Variants in MYO1D observed in about 807,000 individuals in gnomAD.
MYO1D encodes unconventional myosin-Id.
A neutral mutation model predicts 122.0 loss-of-function variants in MYO1D; 83 were observed. The observed-to-expected ratio is 0.68, with a 90% confidence interval of 0.57 to 0.82. The LOEUF is 0.82. Ranked by LOEUF, MYO1D falls within the 40% of genes least tolerant of loss-of-function variation. The probability of loss-of-function intolerance (pLI) is 0.00; values close to 1 mark genes in which losing one functional copy is unlikely to be tolerated. For synonymous variants in MYO1D, 464 were observed against 446.9 expected, an observed-to-expected ratio of 1.04 and a Z score of -0.48; for missense variants, 1,157 against 1,269.5, an observed-to-expected ratio of 0.91 and a Z score of 1.35.
intron 21 of MYO1D, among the ~76,000 whole-genome samples, chr17:32,520,793 A>G (rs1910107599): frequency 6.6e-6 from 1 of 152,274 alleles, no homozygotes; most frequent in Non-Finnish European, 1.5e-5. Context: ...GCCTTGACAC[A>G]GCCACTGACA....
At chr17:32,844,694 C>A (rs1007022413) in intron 1 of MYO1D, among the ~76,000 whole-genome samples, 3 of 151,864 alleles carry the variant, frequency 2.0e-5, no homozygotes, top group Admixed American at 6.6e-5. Flanking sequence ...CACTGCACTC[C>A]AGCCTGGATG....
intron 21 of MYO1D, chr17:32,497,188 T>TC (rs1909149852): frequency 1.3e-5 from 2 of 152,448 alleles, no homozygotes. Flanking sequence ...ATCCCAATAC[T>TC]CTGGGAGGCA....
At chr17:32,649,234 G>T (rs1365566173) in intron 19 of MYO1D, among the ~76,000 whole-genome samples, 2 of 152,148 alleles carry the variant, frequency 1.3e-5, no homozygotes, top group Non-Finnish European at 2.9e-5. Flanking sequence ...TAAGTGTATA[G>T]GTCAATGCTT....
At chr17:32,835,037 C>A (rs1228461673) in intron 1 of MYO1D, among the ~76,000 whole-genome samples, 2 of 151,970 alleles carry the variant, frequency 1.3e-5, no homozygotes, top group South Asian at 2.1e-4. Context: ...AAACAAAAAA[C>A]CACATTTCTT....
intron 19 of MYO1D, among the ~76,000 whole-genome samples, chr17:32,644,898 T>C (rs1200106813): frequency 1.3e-5 from 2 of 152,240 alleles, no homozygotes; most frequent in African/African-American, 2.4e-5. Context: ...AATTGGAGCA[T>C]TTTGCATATT....
intron 1 of MYO1D, among the ~76,000 whole-genome samples, chr17:32,871,928 A>G (rs2091182985): frequency 6.6e-6 from 1 of 152,214 alleles, no homozygotes; most frequent in Non-Finnish European, 1.5e-5. Context: ...CCAAAAAGGA[A>G]GTGGCTACAG....
intron 1 of MYO1D, among the ~76,000 whole-genome samples, chr17:32,796,215 C>G (rs1285479492): frequency 6.6e-6 from 1 of 152,094 alleles, no homozygotes; most frequent in Non-Finnish European, 1.5e-5. Context: ...CATTTGGCTA[C>G]TTGGCATACC....
chr17:32,509,454 T>C (rs1909607871), intron 21 of MYO1D, among the ~76,000 whole-genome samples: 1 of 152,182 alleles, frequency 6.6e-6, no homozygotes, highest in Non-Finnish European at 1.5e-5. Flanking sequence ...TTAGAGAAGC[T>C]CCGGGAATTG....
chr17:32,728,241 C>T lies in MYO1D; in HGVS notation c.1747-7052G>A, dbSNP rs1051133746. Among the ~76,000 whole-genome samples the T allele has an allele frequency of 9.9e-5, 15 of 151,514 alleles. No homozygotes were observed. In the South Asian group the frequency reaches 2.9e-3, roughly 29 times the overall value. ...TTTTTTTTTTGAGACAGTCTCACAC[C>T]GTCACCCAGGCTGGAGTGCAATGGC... On this transcript the variant is annotated intron_variant, in intron 14 of 21. Coordinates refer to ENST00000318217, the MANE Select transcript of MYO1D (RefSeq NM_015194.3).
intron 5 of MYO1D, among the ~76,000 whole-genome samples, 200 bp from the exon 6 acceptor site, chr17:32,771,420 T>A (rs766824008): frequency 6.6e-6 from 1 of 152,214 alleles, no homozygotes; most frequent in Non-Finnish European, 1.5e-5. Flanking sequence ...GAGAATGTTA[T>A]GCAGTCATAA....
intron 21 of MYO1D, among the ~76,000 whole-genome samples, chr17:32,534,629 A>T (rs572341146): frequency 6.6e-6 from 1 of 152,224 alleles, no homozygotes; most frequent in Non-Finnish European, 1.5e-5. Flanking sequence ...AGTGAGTCCT[A>T]TAATAATCTG....
Position 32,659,242 on chromosome 17 carries a change from T to A in MYO1D, c.2218A>T (p.Ile740Phe). 6.2e-7 allele frequency: 1 copy of A among 1,614,256 alleles called. No individual in the cohort carries two copies. The highest frequency in any genetic ancestry group is 8.5e-7 in the Non-Finnish European group (1 of 1,180,046). ...TGGAAGCGTCTGGCCACCTCGTGGATGTACGACTTCACTTTGTAGCGCCGG... is the reference window on the plus strand; with the variant it reads ...TGGAAGCGTCTGGCCACCTCGTGGAAGTACGACTTCACTTTGTAGCGCCGG... ...YYRRYKVKSY[I>F]HEVARRFHGV... The change falls in exon 17 of 22, where the codon ATC becomes TTC. Residue 740 changes from isoleucine (I) to phenylalanine (F), a missense_variant. Transcript: ENST00000318217.
chr17:32,837,034 T>G (rs1265493181), intron 1 of MYO1D, among the ~76,000 whole-genome samples: 4 of 152,108 alleles, frequency 2.6e-5, no homozygotes, highest in African/African-American at 9.7e-5. Context: ...TTGCTTCATA[T>G]CCTCACCAAT....
intron 16 of MYO1D, among the ~76,000 whole-genome samples, chr17:32,680,954 T>A (rs1204427717): frequency 1.3e-5 from 2 of 152,176 alleles, no homozygotes; most frequent in East Asian, 3.9e-4. Context: ...ATTCAGAGAT[T>A]CAACTTCTTC....
At chr17:32,562,459 T>G (rs1267268323) in intron 21 of MYO1D, among the ~76,000 whole-genome samples, 1 of 152,108 alleles carries the variant, frequency 6.6e-6, no homozygotes, top group Admixed American at 6.5e-5. Context: ...TTCTGATTAT[T>G]TTCTTAGGAT....
chr17:32,788,400 A>G (rs2090318662), intron 1 of MYO1D, among the ~76,000 whole-genome samples: 1 of 152,174 alleles, frequency 6.6e-6, no homozygotes, highest in South Asian at 2.1e-4. Flanking sequence ...GTTATCTTCT[A>G]TAATTTTTAT....
At chr17:32,520,073 G>A (rs1910077215) in intron 21 of MYO1D, among the ~76,000 whole-genome samples, 1 of 152,076 alleles carries the variant, frequency 6.6e-6, no homozygotes, top group Admixed American at 6.6e-5. Context: ...TCAGATTCCT[G>A]CTCCAGAAAA....
intron 19 of MYO1D, among the ~76,000 whole-genome samples, chr17:32,648,891 A>AT (rs1032343966): frequency 1.8e-4 from 28 of 151,440 alleles, no homozygotes; most frequent in Admixed American, 8.6e-4. Flanking sequence ...TTGCATTGAG[A>AT]TTTTTTTTTA....
chr17:32,830,110 T>C, intron 1 of MYO1D: 1 of 152,358 alleles, frequency 6.6e-6, no homozygotes, highest in Middle Eastern at 3.4e-3. Context: ...ATTCTCTTTA[T>C]CTGTGCTCTG....
Sources: allele counts gnomAD v4.1 joint callset (sites outside exome capture counted in the v4.1 genomes callset), GRCh38; gene constraint gnomAD v4.1.1; transcripts MANE v1.5; gene names NCBI Gene and HGNC (gene_info 2026-07-23, HGNC 2026-07-21).